LRRC4C: variants seen among roughly 807,000 people sequenced by gnomAD.
The protein encoded by LRRC4C is leucine rich repeat containing 4C, also known as leucine-rich repeat-containing protein 4C.
A neutral mutation model predicts 33.6 loss-of-function variants in LRRC4C; 5 were observed. The ratio of observed to expected loss-of-function variants is 0.15; its 90% CI spans 0.08 to 0.31. The LOEUF (loss-of-function observed/expected upper bound fraction) is 0.31, where lower values mean the gene tolerates loss of function less well. LRRC4C is among the 10% of genes least tolerant of loss of function. The pLI is 1.00. For synonymous variants in LRRC4C, 329 were observed against 302.0 expected, an observed-to-expected ratio of 1.09 and a Z score of -0.93; for missense variants, 560 against 796.7, an observed-to-expected ratio of 0.70 and a Z score of 3.58.
chr11:40,997,254 C>T (rs113676092), intron 1 of LRRC4C, among the ~76,000 whole-genome samples: 6 of 151,974 alleles, frequency 3.9e-5, no homozygotes, highest in African/African-American at 1.4e-4. Flanking sequence ...AATGGAACTC[C>T]AGAGATTACC....
intron 2 of LRRC4C, among the ~76,000 whole-genome samples, chr11:40,838,966 G>C (rs574993253): frequency 1.2e-4 from 18 of 152,108 alleles, no homozygotes; most frequent in Non-Finnish European, 2.4e-4. Context: ...ATAATGAATT[G>C]TAATAGGACC....
chr11:40,230,388 G>C (rs954903592), intron 5 of LRRC4C, among the ~76,000 whole-genome samples: 2 of 152,140 alleles, frequency 1.3e-5, no homozygotes, highest in Admixed American at 1.3e-4. Flanking sequence ...GGGGTATAAG[G>C]GGTGTGTACC....
chr11:40,818,280 C>T (rs548204761), intron 2 of LRRC4C, among the ~76,000 whole-genome samples: 3 of 152,230 alleles, frequency 2.0e-5, no homozygotes, highest in African/African-American at 7.2e-5. Flanking sequence ...TAATTGTCTA[C>T]TTAGTGTTTT....
intron 3 of LRRC4C, among the ~76,000 whole-genome samples, chr11:40,505,215 G>A (rs1021031848): frequency 2.6e-5 from 4 of 152,104 alleles, no homozygotes; most frequent in Non-Finnish European, 5.9e-5. Context: ...GACATTTAAA[G>A]CTGGTGACCC....
intron 1 of LRRC4C, among the ~76,000 whole-genome samples, chr11:41,266,511 T>G (rs1217739797): frequency 6.6e-6 from 1 of 152,130 alleles, no homozygotes; most frequent in Non-Finnish European, 1.5e-5. Context: ...ATTTTGAAAC[T>G]TTTATTTATT....
intron 1 of LRRC4C, among the ~76,000 whole-genome samples, chr11:40,989,570 A>T (rs1187175497): frequency 2.0e-5 from 3 of 152,148 alleles, no homozygotes; most frequent in African/African-American, 7.2e-5. Context: ...TTCAGGAAGG[A>T]TTTATACATA....
intron 2 of LRRC4C, among the ~76,000 whole-genome samples, chr11:40,798,142 T>G (rs1950905923): frequency 6.6e-6 from 1 of 152,188 alleles, no homozygotes; most frequent in African/African-American, 2.4e-5. Context: ...AGCAGAGGTC[T>G]GCATGTGTAA....
chr11:41,254,384 C>A (rs906334177), intron 1 of LRRC4C, among the ~76,000 whole-genome samples: 4 of 151,912 alleles, frequency 2.6e-5, no homozygotes, highest in Non-Finnish European at 4.4e-5. Context: ...TGGAGAGAAA[C>A]GTCTTCAAAT....
intron 3 of LRRC4C, among the ~76,000 whole-genome samples, chr11:40,438,984 G>C (rs1951266107): frequency 7.0e-6 from 1 of 143,614 alleles, no homozygotes; most frequent in South Asian, 2.2e-4. Flanking sequence ...AGCCTGGAGT[G>C]CAGTGGCATG....
chr11:40,175,288 A>T (rs548331869), intron 5 of LRRC4C, among the ~76,000 whole-genome samples: 1 of 152,392 alleles, frequency 6.6e-6, no homozygotes, highest in Non-Finnish European at 1.5e-5. Context: ...AAATAATTTC[A>T]AAATTTGTAG....
In LRRC4C at chr11:40,174,336, T is replaced by C. The variant is rs11035725; in HGVS notation, c.-95-33483A>G. Among the ~76,000 whole-genome samples the C allele has an allele frequency of 5.3e-3, 802 of 152,296 alleles. 7 individuals are homozygous for C. Among genetic ancestry groups the C allele is most frequent in the African/African-American group, 0.018 (736 of 41,554 alleles). On this transcript the variant is annotated intron_variant, in intron 5 of 6. Transcript: ENST00000528697. Reference sequence around the variant, plus strand: ...CCTTGACCACTGAACTAGTCTTCACTGATTTAAATTAAATTGAAGATCAGG... The same window carrying C: ...CCTTGACCACTGAACTAGTCTTCACCGATTTAAATTAAATTGAAGATCAGG...
intron 5 of LRRC4C, among the ~76,000 whole-genome samples, chr11:40,188,787 G>C (rs184024468): frequency 1.3e-5 from 2 of 151,284 alleles, no homozygotes; most frequent in African/African-American, 4.8e-5. Flanking sequence ...TTCCTGGAAA[G>C]AGGCTTTAAA....
At chr11:40,943,921 A>C (rs1187683102) in intron 1 of LRRC4C, among the ~76,000 whole-genome samples, 1 of 152,182 alleles carries the variant, frequency 6.6e-6, no homozygotes, top group Non-Finnish European at 1.5e-5. Flanking sequence ...AAAAAGACTG[A>C]CTTGATTTTA....
At chr11:40,717,701 T>A (rs749911797) in intron 2 of LRRC4C, among the ~76,000 whole-genome samples, 1 of 152,032 alleles carries the variant, frequency 6.6e-6, no homozygotes, top group Non-Finnish European at 1.5e-5. Flanking sequence ...ACCAGATGAT[T>A]ATTATTATAC....
At chr11:40,284,652 A>G (rs1943712559) in intron 4 of LRRC4C, among the ~76,000 whole-genome samples, 1 of 152,214 alleles carries the variant, frequency 6.6e-6, no homozygotes, top group African/African-American at 2.4e-5. Flanking sequence ...GGCCATAGCG[A>G]GATAGACCAA....
intron 1 of LRRC4C, among the ~76,000 whole-genome samples, chr11:41,306,475 C>T (rs1950508615): frequency 6.6e-6 from 1 of 152,200 alleles, no homozygotes; most frequent in Non-Finnish European, 1.5e-5. Flanking sequence ...TAAAGAGTGG[C>T]AGTCTGTGAA....
chr11:41,003,480 G>A (rs993077360), intron 1 of LRRC4C, among the ~76,000 whole-genome samples: 3 of 152,056 alleles, frequency 2.0e-5, no homozygotes, highest in South Asian at 2.1e-4. Flanking sequence ...TGGGGAATAC[G>A]GTATGGAGGC....
chr11:41,001,581 T>C (rs1854385392), intron 1 of LRRC4C, among the ~76,000 whole-genome samples: 1 of 150,964 alleles, frequency 6.6e-6, no homozygotes, highest in South Asian at 2.1e-4. Context: ...TGGTCTGTTT[T>C]GTCTGACAAG....
intron 1 of LRRC4C, among the ~76,000 whole-genome samples, chr11:40,945,572 G>C: frequency 6.6e-6 from 1 of 152,056 alleles, no homozygotes; most frequent in South Asian, 2.1e-4. Flanking sequence ...CATGAAATTG[G>C]TATCAGTCAC....
Sources: gnomAD v4.1 joint callset for allele counts (sites outside exome capture counted in the v4.1 genomes callset) on GRCh38, gnomAD v4.1.1 for gene constraint, MANE v1.5 for transcripts, NCBI Gene and HGNC (gene_info 2026-07-23, HGNC 2026-07-21) for gene names.